TACR2: variants seen among roughly 807,000 people sequenced by gnomAD.
The protein encoded by TACR2 is tachykinin receptor 2.
In TACR2, 24 loss-of-function variants were observed where a neutral mutation model predicts 28.9. The ratio of observed to expected loss-of-function variants is 0.83; its 90% CI spans 0.60 to 1.17. TACR2 has a LOEUF of 1.17. TACR2 is among the 50% of genes most tolerant of loss of function. TACR2 has a pLI of 0.00. For synonymous variants in TACR2, 222 were observed against 212.6 expected (o/e 1.04, Z -0.38); for missense variants, 487 against 524.4 (o/e 0.93, Z 0.70).
intron 4 of TACR2, among the ~76,000 whole-genome samples, chr10:69,406,719 G>A (rs1303544306): frequency 6.6e-6 from 1 of 152,016 alleles, no homozygotes; most frequent in Non-Finnish European, 1.5e-5. Context: ...TCTTTCCTTC[G>A]TCTGTCTGTC....
At chr10:69,410,365 A>T (rs368671835) in intron 2 of TACR2, among the ~76,000 whole-genome samples, 8 of 151,490 alleles carry the variant, frequency 5.3e-5, no homozygotes, top group African/African-American at 1.5e-4. Flanking sequence ...AAAAAAAATT[A>T]AAAAAATTAG....
At chr10:69,414,884 C>G in intron 2 of TACR2, 61 bp downstream of exon 2, 1 of 1,487,162 alleles carries the variant, frequency 6.7e-7, no homozygotes, top group Non-Finnish European at 9.2e-7. Flanking sequence ...CGTGTGTACA[C>G]ACACACACAC....
At chr10:69,407,699 CACAG>C (rs1840516403) in intron 3 of TACR2, among the ~76,000 whole-genome samples, 1 of 152,172 alleles carries the variant, frequency 6.6e-6, no homozygotes, top group Non-Finnish European at 1.5e-5. Flanking sequence ...TCCGTATCGG[CACAG>C]CCCTTCTCTC....
At chr10:69,409,297 CCCTGCGT>C (rs1564580842) in intron 2 of TACR2, 1 of 404,330 alleles carries the variant, frequency 2.5e-6, no homozygotes, top group Non-Finnish European at 4.4e-6. Flanking sequence ...CCAGCAGTAG[CCCTGCGT>C]CCTTCCATAT....
intron 3 of TACR2, 90 bp from the exon 4 acceptor site, chr10:69,407,370 C>T (rs1402945264): frequency 4.7e-6 from 6 of 1,272,418 alleles, no homozygotes; most frequent in Non-Finnish European, 6.5e-6. Context: ...CTTGCACCCA[C>T]CTGGGAACTG....
intron 4 of TACR2, among the ~76,000 whole-genome samples, chr10:69,405,662 A>G (rs111501429): frequency 5.3e-5 from 8 of 152,338 alleles, no homozygotes; most frequent in African/African-American, 1.9e-4. Flanking sequence ...AGACGGCAGA[A>G]AGGGAACGCT....
chr10:69,408,881 TCCAGGCCCCGCCCCC>T, intron 3 of TACR2, 26 bp downstream of exon 3: 1 of 25,340 alleles, frequency 3.9e-5, no homozygotes. Context: ...CCCCGCCCCC[TCCAGGCCCCGCCCCC>T]TCCAGGCCCC....
intron 2 of TACR2, among the ~76,000 whole-genome samples, chr10:69,410,144 T>G (rs941538106): frequency 3.3e-5 from 5 of 151,840 alleles, no homozygotes; most frequent in African/African-American, 1.2e-4. Flanking sequence ...GAGGAAGTGA[T>G]GCAGAGTACC....
rs201831264 is a variant in TACR2, at chr10:69,407,207, A to C, written c.815T>G (p.Leu272Arg). The C allele has an allele frequency of 4.3e-6, 7 of 1,613,920 alleles. No homozygotes were observed. Among genetic ancestry groups the C allele is most frequent in the Non-Finnish European group, 5.1e-6 (6 of 1,179,980 alleles). The change falls in exon 4 of 5, where the codon CTG becomes CGG. Residue 272 changes from leucine (L) to arginine (R), a missense_variant. Leu to Arg is a moderately radical substitution (Grantham distance 102). Transcript: ENST00000373306. ...GTAGATGTCCTCCTGGAAGCTGCCCAGGATGAAGTAGAGGTGGTAGGGCAG... is the reference window on the plus strand; with the variant it reads ...GTAGATGTCCTCCTGGAAGCTGCCCCGGATGAAGTAGAGGTGGTAGGGCAG... ...CWLPYHLYFI[L>R]GSFQEDIYCH... is the part of the protein sequence containing the mutation.
rs201711822 is a variant in TACR2 at position 69,404,765 on chromosome 10, C to T, written c.*61G>A. 15 of 825,188 alleles carry T rather than the reference C, an allele frequency of 1.8e-5. No individual in the cohort carries two copies. Among genetic ancestry groups the T allele is most frequent in the African/African-American group, 1.4e-4 (8 of 58,062 alleles). The allele number at this position is 825,188 out of a possible 1,614,324, so 51.1% of individuals were successfully genotyped here. A position where few individuals can be genotyped will look rare whatever the true frequency, so the allele number is the denominator to read the frequency against. ...AGGCATTAATCTATTCATAAGGGATCCATCCCCAATACCCAAACACCTCCC... is the reference window on the plus strand; with the variant it reads ...AGGCATTAATCTATTCATAAGGGATTCATCCCCAATACCCAAACACCTCCC... On this transcript the variant is annotated 3_prime_UTR_variant, in exon 5 of 5. Coordinates refer to ENST00000373306, the MANE Select transcript of TACR2 (RefSeq NM_001057.3).
intron 2 of TACR2, among the ~76,000 whole-genome samples, chr10:69,413,761 C>A (rs1236726619): frequency 6.6e-6 from 1 of 152,226 alleles, no homozygotes; most frequent in Non-Finnish European, 1.5e-5. Context: ...AGACCATGCA[C>A]ACCCTCATGC....
At chr10:69,410,363 T>A (rs1364781023) in intron 2 of TACR2, among the ~76,000 whole-genome samples, 1 of 149,302 alleles carries the variant, frequency 6.7e-6, no homozygotes, top group Admixed American at 6.7e-5. Context: ...TTAAAAAAAA[T>A]TAAAAAAATT....
chr10:69,413,413 C>G (rs1044926316), intron 2 of TACR2, among the ~76,000 whole-genome samples: 2 of 152,174 alleles, frequency 1.3e-5, no homozygotes, highest in African/African-American at 4.8e-5. Context: ...CACAGTGGTC[C>G]TGTATGAAGA....
intron 4 of TACR2, among the ~76,000 whole-genome samples, chr10:69,406,849 C>T (rs1288822167): frequency 6.6e-6 from 1 of 152,162 alleles, no homozygotes; most frequent in Non-Finnish European, 1.5e-5. Context: ...GTGAGAGCTA[C>T]AGCCTGGGAG....
intron 2 of TACR2, among the ~76,000 whole-genome samples, chr10:69,410,192 T>C (rs1175043971): frequency 2.6e-5 from 4 of 151,644 alleles, no homozygotes; most frequent in Admixed American, 1.3e-4. Flanking sequence ...GGGAGGACAC[T>C]GGGTTGTGTT....
chr10:69,408,454 AT>A (rs372162205), intron 3 of TACR2, among the ~76,000 whole-genome samples: 103 of 150,840 alleles, frequency 6.8e-4, no homozygotes, highest in African/African-American at 2.2e-3. Flanking sequence ...TGGGAAGTTA[AT>A]TTTTTTTTGT....
At chr10:69,407,382 T>C in intron 3 of TACR2, 102 bp from the exon 4 acceptor site, 1 of 1,140,764 alleles carries the variant, frequency 8.8e-7, no homozygotes, top group Non-Finnish European at 1.2e-6. Flanking sequence ...TGGGAACTGC[T>C]CCACACACAG....
chr10:69,408,709 C>T (rs984520704), intron 3 of TACR2, among the ~76,000 whole-genome samples: 13 of 152,324 alleles, frequency 8.5e-5, no homozygotes, highest in African/African-American at 2.9e-4. Flanking sequence ...AAGGCAGCTT[C>T]CGCAAGCTTC....
At position 69,416,334 on chromosome 10, in the gene TACR2, G is replaced by A. The variant is rs562477395; in HGVS notation, c.-11C>T. On this transcript the variant is annotated 5_prime_UTR_variant, in exon 1 of 5. Transcript: ENST00000373306. ...GTCACAGGTCCCCATGGCTGCTTCT[G>A]GGTCTGGAACAAAGGACCTGGCTCC... 1.1e-5 allele frequency: 17 copies of A among 1,574,740 alleles called. No individual in the cohort carries two copies. In the South Asian group the frequency reaches 1.6e-4, roughly 15 times the overall value.
Sources: allele counts gnomAD v4.1 joint callset (sites outside exome capture counted in the v4.1 genomes callset), GRCh38; gene constraint gnomAD v4.1.1; transcripts MANE v1.5; gene names NCBI Gene and HGNC (gene_info 2026-07-23, HGNC 2026-07-21).